The following THEMIS variants were observed in gnomAD, a reference collection of about 807,000 sequenced individuals.
THEMIS encodes protein THEMIS.
THEMIS carries 37 observed loss-of-function variants against 52.6 expected under a neutral mutation model. That is an observed-to-expected ratio of 0.70 (90% CI 0.54 to 0.93). The LOEUF (loss-of-function observed/expected upper bound fraction) is 0.93, where lower values mean the gene tolerates loss of function less well. THEMIS is among the 40% of genes least tolerant of loss of function. THEMIS has a pLI of 0.00. For missense variants in THEMIS, 808 were observed against 763.1 expected (o/e 1.06, Z -0.69); for synonymous variants, 292 against 272.7 (o/e 1.07, Z -0.70).
intron 1 of THEMIS, among the ~76,000 whole-genome samples, chr6:127,860,887 G>A (rs1779776952): frequency 6.6e-6 from 1 of 152,110 alleles, no homozygotes. Flanking sequence ...AAATAAAACT[G>A]TACTAAGAGG....
intron 4 of THEMIS, among the ~76,000 whole-genome samples, chr6:127,753,695 G>A (rs1039198724): frequency 2.6e-5 from 4 of 151,952 alleles, no homozygotes; most frequent in Non-Finnish European, 5.9e-5. Flanking sequence ...TATATGTTTT[G>A]GAATATAATA....
At chr6:127,912,935 G>C (rs575530642) in intron 1 of THEMIS, among the ~76,000 whole-genome samples, 15 of 152,276 alleles carry the variant, frequency 9.9e-5, no homozygotes, top group African/African-American at 3.6e-4. Flanking sequence ...GAATTCCAAT[G>C]CTTCTACCAT....
rs372567269 is a variant in THEMIS, at chr6:127,893,938, C to G, written c.91+6904G>C. ...TACCAAAAGAAAGCTGGAATAGTAACATTTTCTAAAAAAATAGAACCTAAA... is the reference window on the plus strand; with the variant it reads ...TACCAAAAGAAAGCTGGAATAGTAAGATTTTCTAAAAAAATAGAACCTAAA... On this transcript the variant is annotated intron_variant, in intron 1 of 5. Transcript: ENST00000368248. 9.2e-5 allele frequency among the ~76,000 whole-genome samples: 14 copies of G among 151,766 alleles called. No individual in the cohort carries two copies. The East Asian group carries it at 1.6e-3, about 17-fold the overall frequency.
the THEMIS span, among the ~76,000 whole-genome samples, chr6:127,700,979 C>T: frequency 7.2e-5 from 11 of 152,188 alleles, no homozygotes; most frequent in African/African-American, 2.6e-4. Flanking sequence ...AGGATAAGTA[C>T]TATTTTCAAA....
chr6:127,702,689 G>A, the THEMIS span, among the ~76,000 whole-genome samples: 2 of 151,302 alleles, frequency 1.3e-5, no homozygotes, highest in Non-Finnish European at 2.9e-5. Context: ...AGACATACCC[G>A]AGACTGGGCA....
At chr6:127,843,564 CAT>C (rs1353784035) in intron 2 of THEMIS, among the ~76,000 whole-genome samples, 1 of 151,898 alleles carries the variant, frequency 6.6e-6, no homozygotes, top group African/African-American at 2.4e-5. Context: ...TTAAATAAAA[CAT>C]ATTAAAATTA....
At chr6:127,795,622 C>G (rs1045095894) in intron 4 of THEMIS, among the ~76,000 whole-genome samples, 8 of 152,156 alleles carry the variant, frequency 5.3e-5, no homozygotes, top group African/African-American at 1.2e-4. Context: ...GCCACCGCGC[C>G]CGGCCACCAG....
intron 4 of THEMIS, among the ~76,000 whole-genome samples, chr6:127,771,286 A>G (rs1363355191): frequency 6.6e-6 from 1 of 152,222 alleles, no homozygotes; most frequent in Non-Finnish European, 1.5e-5. Context: ...ATGGAAGAAC[A>G]TTCCATGCTC....
intron 1 of THEMIS, among the ~76,000 whole-genome samples, chr6:127,871,096 A>G (rs2114382876): frequency 6.6e-6 from 1 of 152,290 alleles, no homozygotes; most frequent in East Asian, 1.9e-4. Flanking sequence ...CATAAAACAA[A>G]TCTCAACAAA....
chr6:127,789,700 G>A (rs1417647494), intron 4 of THEMIS, among the ~76,000 whole-genome samples: 1 of 152,116 alleles, frequency 6.6e-6, no homozygotes, highest in Non-Finnish European at 1.5e-5. Context: ...CTTCATCCCT[G>A]GGATGCAAGG....
intron 5 of THEMIS, among the ~76,000 whole-genome samples, chr6:127,713,994 A>C (rs959007082): frequency 3.3e-5 from 5 of 151,910 alleles, no homozygotes; most frequent in Admixed American, 6.6e-5. Flanking sequence ...AGCAGCAGAT[A>C]GCTTAGACTT....
intron 4 of THEMIS, among the ~76,000 whole-genome samples, chr6:127,802,566 A>G (rs1777571887): frequency 6.6e-6 from 1 of 152,220 alleles, no homozygotes; most frequent in African/African-American, 2.4e-5. Context: ...TGAATTTGAT[A>G]GGAAGCCTAC....
chr6:127,801,225 G>C (rs983220625), intron 4 of THEMIS, among the ~76,000 whole-genome samples: 25 of 152,152 alleles, frequency 1.6e-4, no homozygotes, highest in African/African-American at 5.3e-4. Flanking sequence ...ACCATACGTA[G>C]AGAATATAAT....
At chr6:127,834,632 G>A (rs542298965) in intron 2 of THEMIS, among the ~76,000 whole-genome samples, 1 of 151,980 alleles carries the variant, frequency 6.6e-6, no homozygotes, top group Admixed American at 6.6e-5. Flanking sequence ...ACTGTCTGCA[G>A]TAGCTATTAA....
At chr6:127,888,994 T>G (rs2114461886) in intron 1 of THEMIS, among the ~76,000 whole-genome samples, 1 of 152,206 alleles carries the variant, frequency 6.6e-6, no homozygotes, top group African/African-American at 2.4e-5. Flanking sequence ...GAAGTGTAGC[T>G]TATATTAAGA....
intron 4 of THEMIS, among the ~76,000 whole-genome samples, chr6:127,771,738 C>A (rs1010515786): frequency 3.3e-5 from 5 of 152,006 alleles, no homozygotes; most frequent in African/African-American, 9.7e-5. Context: ...TGTTTAAAAC[C>A]AAAGATGGGA....
intron 4 of THEMIS, among the ~76,000 whole-genome samples, chr6:127,787,882 T>G (rs867812228): frequency 3.7e-3 from 487 of 130,806 alleles, no homozygotes; most frequent in African/African-American, 0.011. Flanking sequence ...TAGATAGATA[T>G]AGATAGATAG....
intron 4 of THEMIS, among the ~76,000 whole-genome samples, chr6:127,761,475 T>G (rs1277879460): frequency 6.6e-6 from 1 of 152,146 alleles, no homozygotes; most frequent in Non-Finnish European, 1.5e-5. Flanking sequence ...GAACTTCAAC[T>G]CACAGTTACC....
At chr6:127,891,538 C>CAAAAA (rs67886431) in intron 1 of THEMIS, among the ~76,000 whole-genome samples, 39 of 96,804 alleles carry the variant, frequency 4.0e-4, no homozygotes, top group Non-Finnish European at 5.5e-4. Context: ...TCCAGCTCAA[C>CAAAAA]AAAAAAAAAA....
Sources: gnomAD v4.1 joint callset for allele counts (sites outside exome capture counted in the v4.1 genomes callset) on GRCh38, gnomAD v4.1.1 for gene constraint, MANE v1.5 for transcripts, NCBI Gene and HGNC (gene_info 2026-07-23, HGNC 2026-07-21) for gene names.